LPP: variants seen among roughly 807,000 people sequenced by gnomAD.
LPP encodes the protein lipoma-preferred partner.
LPP carries 38 observed loss-of-function variants against 60.4 expected under a neutral mutation model. The ratio of observed to expected loss-of-function variants is 0.63; its 90% CI spans 0.49 to 0.83. The LOEUF is 0.83. LPP is among the 40% of genes least tolerant of loss of function. The probability of loss-of-function intolerance (pLI) is 0.00; values close to 1 mark genes in which losing one functional copy is unlikely to be tolerated. For synonymous variants in LPP, 328 were observed against 290.8 expected (o/e 1.13, Z -1.30); for missense variants, 902 against 783.6 (o/e 1.15, Z -1.80).
chr3:188,754,070 T>C (rs1729297718), intron 8 of LPP, among the ~76,000 whole-genome samples: 1 of 152,318 alleles, frequency 6.6e-6, no homozygotes, highest in Admixed American at 6.5e-5. Context: ...CAGTTTGATG[T>C]ATGATGTGAT....
intron 4 of LPP, among the ~76,000 whole-genome samples, chr3:188,413,328 C>T (rs916422555): frequency 6.6e-6 from 1 of 152,086 alleles, no homozygotes; most frequent in Non-Finnish European, 1.5e-5. Flanking sequence ...AAATGGGAAA[C>T]ATCTTTTTTG....
intron 4 of LPP, among the ~76,000 whole-genome samples, chr3:188,458,934 G>T (rs1376757691): frequency 6.6e-6 from 1 of 151,798 alleles, no homozygotes; most frequent in Non-Finnish European, 1.5e-5. Context: ...ATTGGGTAAG[G>T]GTTTAAACTC....
chr3:188,663,328 G>A (rs1338655028), intron 7 of LPP, among the ~76,000 whole-genome samples: 4 of 152,168 alleles, frequency 2.6e-5, no homozygotes, highest in Admixed American at 6.5e-5. Context: ...GGATGGGGGA[G>A]TGTCACATAA....
At chr3:188,400,538 G>A (rs1782003022) in intron 3 of LPP, among the ~76,000 whole-genome samples, 1 of 152,184 alleles carries the variant, frequency 6.6e-6, no homozygotes, top group Non-Finnish European at 1.5e-5. Flanking sequence ...GGAACAGACA[G>A]AAGAGCAGCA....
At chr3:188,679,399 T>C (rs1858896455) in intron 7 of LPP, among the ~76,000 whole-genome samples, 1 of 152,200 alleles carries the variant, frequency 6.6e-6, no homozygotes, top group Admixed American at 6.5e-5. Context: ...ACTCTGTCCT[T>C]TCACTTATTA....
rs1378576799 is a variant in LPP, at chr3:188,880,111, A to G, written c.*5632A>G. 1.8e-5 allele frequency: 3 copies of G among 163,644 alleles called. No homozygotes were observed. Among genetic ancestry groups the G allele is most frequent in the East Asian group, 1.3e-4 (1 of 7,852 alleles). The allele number at this position is 163,644 out of a possible 1,614,324, so 10.1% of individuals were successfully genotyped here. A position where few individuals can be genotyped will look rare whatever the true frequency, so the allele number is the denominator to read the frequency against. On this transcript the variant is annotated 3_prime_UTR_variant, in exon 12 of 12. Coordinates refer to ENST00000617246, the MANE Select transcript of LPP (RefSeq NM_001375462.1). ...AATGGCACGATCTCCTCTCACTGCA[A>G]GCTCCGCCTCCCAGGTTCACGCCAT... is the stretch of plus-strand genomic sequence containing the variant.
At chr3:188,272,867 C>T (rs1346776004) in intron 2 of LPP, among the ~76,000 whole-genome samples, 3 of 152,156 alleles carry the variant, frequency 2.0e-5, no homozygotes, top group Non-Finnish European at 1.5e-5. Flanking sequence ...GTGACATAGG[C>T]GTATAAGGGC....
intron 7 of LPP, among the ~76,000 whole-genome samples, chr3:188,664,260 A>G (rs753806371): frequency 6.6e-6 from 1 of 152,110 alleles, no homozygotes; most frequent in East Asian, 1.9e-4. Context: ...AATGTTATTC[A>G]CCCATTTGGC....
At chr3:188,355,336 T>C (rs1411966683) in intron 3 of LPP, among the ~76,000 whole-genome samples, 1 of 152,190 alleles carries the variant, frequency 6.6e-6, no homozygotes, top group Non-Finnish European at 1.5e-5. Flanking sequence ...TGTATGATCG[T>C]CATAATGATT....
chr3:188,704,036 T>C (rs1864991178), intron 7 of LPP, among the ~76,000 whole-genome samples: 3 of 152,178 alleles, frequency 2.0e-5, no homozygotes, highest in Admixed American at 2.0e-4. Flanking sequence ...TTGGCTTAAT[T>C]AAAACAACTT....
intron 6 of LPP, among the ~76,000 whole-genome samples, chr3:188,585,396 T>A (rs1837215689): frequency 6.6e-6 from 1 of 152,214 alleles, no homozygotes; most frequent in African/African-American, 2.4e-5. Flanking sequence ...TTCCTCTCCT[T>A]ATTTTGAAGG....
chr3:188,189,545 C>A (rs1221653671), intron 1 of LPP, among the ~76,000 whole-genome samples: 1 of 152,136 alleles, frequency 6.6e-6, no homozygotes, highest in Non-Finnish European at 1.5e-5. Context: ...ATACAAATTC[C>A]ACATCTATAA....
At chr3:188,250,780 T>TCTG (rs1560158647) in intron 2 of LPP, among the ~76,000 whole-genome samples, 1,255 of 93,710 alleles carry the variant, frequency 0.013, 28 homozygotes, top group African/African-American at 0.036. Context: ...CTTTCTTTCT[T>TCTG]TCTTTCTGTC....
At chr3:188,337,635 A>AT (rs1343926541) in intron 2 of LPP, among the ~76,000 whole-genome samples, 1 of 151,606 alleles carries the variant, frequency 6.6e-6, no homozygotes, top group African/African-American at 2.4e-5. Context: ...CTTAGTTATT[A>AT]TTTTTTCTTC....
intron 9 of LPP, among the ~76,000 whole-genome samples, chr3:188,830,647 G>A (rs568344190): frequency 6.6e-6 from 1 of 151,640 alleles, no homozygotes; most frequent in South Asian, 2.1e-4. Context: ...CACCCCCAAC[G>A]AACGAACAAA....
At chr3:188,549,470 TG>T (rs1827506153) in intron 6 of LPP, among the ~76,000 whole-genome samples, 1 of 152,224 alleles carries the variant, frequency 6.6e-6, no homozygotes, top group Non-Finnish European at 1.5e-5. Flanking sequence ...GATGTTAGCA[TG>T]ACTGATAGTT....
At chr3:188,850,851 G>A (rs1762524387) in intron 9 of LPP, among the ~76,000 whole-genome samples, 1 of 152,134 alleles carries the variant, frequency 6.6e-6, no homozygotes, top group African/African-American at 2.4e-5. Context: ...GGCAGACAAA[G>A]GTGCTTGGGA....
Position 188,247,867 on chromosome 3 carries a change from C to T in LPP, c.-67+22340C>T, listed in dbSNP as rs116728777. On this transcript the variant is annotated intron_variant, in intron 2 of 11. Coordinates refer to ENST00000617246, the MANE Select transcript of LPP (RefSeq NM_001375462.1). The stretch of plus-strand genomic sequence containing the variant: ...ACACTGTAAAGCAGCAGAGGATTGA[C>T]GATTTTCCTAAGACTTAGTGGATGT... Among the ~76,000 whole-genome samples the T allele has an allele frequency of 3.2e-3, 476 of 150,982 alleles. 1 individual carries two copies. The highest frequency in any genetic ancestry group is 5.1e-3 in the Non-Finnish European group (349 of 67,872).
At chr3:188,327,982 CAA>C (rs1339572053) in intron 2 of LPP, among the ~76,000 whole-genome samples, 1 of 151,894 alleles carries the variant, frequency 6.6e-6, no homozygotes, top group Non-Finnish European at 1.5e-5. Flanking sequence ...AAAATAGTGA[CAA>C]AAGTGGGAGC....
Sources: gnomAD v4.1 joint callset for allele counts (sites outside exome capture counted in the v4.1 genomes callset) on GRCh38, gnomAD v4.1.1 for gene constraint, MANE v1.5 for transcripts, NCBI Gene and HGNC (gene_info 2026-07-23, HGNC 2026-07-21) for gene names.